Variants in TTC22 observed in about 807,000 individuals in gnomAD.
TTC22 encodes tetratricopeptide repeat protein 22.
A neutral mutation model predicts 48.2 loss-of-function variants in TTC22; 42 were observed. That is an observed-to-expected ratio of 0.87 (90% CI 0.68 to 1.13). The LOEUF (loss-of-function observed/expected upper bound fraction) is 1.13. TTC22 is among the 50% of genes most tolerant of loss of function. The probability of loss-of-function intolerance (pLI) is 0.00; values close to 1 mark genes in which losing one functional copy is unlikely to be tolerated. For missense variants in TTC22, 784 were observed against 807.0 expected (o/e 0.97, Z 0.34); for synonymous variants, 345 against 365.5 (o/e 0.94, Z 0.64).
chr1:54,781,091 C>G lies in TTC22; in HGVS notation c.*152G>C, dbSNP rs1646257533. Reference sequence around the variant, plus strand: ...TGGGCGTTTCAAACCGCGCGGGTGTCGCAACATCCCCATTCACAATTCCCG... The same window carrying G: ...TGGGCGTTTCAAACCGCGCGGGTGTGGCAACATCCCCATTCACAATTCCCG... On this transcript the variant is annotated 3_prime_UTR_variant, in exon 7 of 7. Transcript: ENST00000371276. 1 of 526,636 alleles carries G rather than the reference C, an allele frequency of 1.9e-6. No homozygotes were observed. The highest frequency in any genetic ancestry group is 2.0e-5 in the African/African-American group (1 of 49,868). The allele number at this position is 526,636 out of a possible 1,614,324, so 32.6% of individuals were successfully genotyped here.
In TTC22 at chr1:54,801,193, C is replaced by G; in HGVS notation, c.-30G>C. 6.2e-7 allele frequency: 1 copy of G among 1,601,668 alleles called. No homozygotes were observed. The highest frequency in any genetic ancestry group is 1.1e-5 in the South Asian group (1 of 90,562). ...GCTCCCTCTGCTCCCCTGGCCTCAC[C>G]CTTGTCCCTGAGGCTGTGGAGGGCA... On this transcript the variant is annotated 5_prime_UTR_variant, in exon 1 of 7. Transcript: ENST00000371276.
chr1:54,786,940 T>C lies in TTC22; in HGVS notation c.858+17A>G. On this transcript the variant is annotated intron_variant, in intron 4 of 6. Coordinates refer to ENST00000371276, the MANE Select transcript of TTC22 (RefSeq NM_001114108.2). ...TCCTTCTCAGTTTAGAGGGTGGGTG[T>C]GGCTGGGGGCAAGTACCTTGCCGAA... 2 of 1,355,832 alleles carry C rather than the reference T, an allele frequency of 1.5e-6. No homozygotes were observed. Among genetic ancestry groups the C allele is most frequent in the South Asian group, 1.5e-5 (1 of 67,220 alleles). 84.0% of individuals were successfully genotyped at this position (1,355,832 alleles called of 1,614,324 possible).
At position 54,787,733 on chromosome 1, in the gene TTC22, C is replaced by T; in HGVS notation, c.717G>A (p.Lys239=). The change falls in exon 3 of 7, where the codon AAG becomes AAA. Residue 239 remains lysine, a synonymous_variant. Transcript: ENST00000371276. Reference sequence around the variant, plus strand: ...CACCTCGGTGGCGGGGGTCCTCGGACTTCAGCACTTGCCGGAGTAGGGCCA... The same window carrying T: ...CACCTCGGTGGCGGGGGTCCTCGGATTTCAGCACTTGCCGGAGTAGGGCCA... The part of the protein sequence containing the change: ...RTLALLRQVL[K]SEDPRHRALA... 1 of 1,613,274 alleles carries T rather than the reference C, an allele frequency of 6.2e-7. No individual in the cohort carries two copies. Among genetic ancestry groups the T allele is most frequent in the African/African-American group, 1.3e-5 (1 of 75,026 alleles).
intron 5 of TTC22, 137 bp downstream of exon 5, chr1:54,785,846 G>T: frequency 3.8e-6 from 3 of 792,856 alleles, no homozygotes; most frequent in Non-Finnish European, 5.9e-6. Context: ...ACCCAACTGT[G>T]TTTTTTGATG....
At chr1:54,782,797 C>A (rs893151501) in intron 5 of TTC22, among the ~76,000 whole-genome samples, 7 of 152,178 alleles carry the variant, frequency 4.6e-5, no homozygotes, top group African/African-American at 1.7e-4. Context: ...ACAGGAGGTA[C>A]CGTGGTAACA....
At chr1:54,795,664 G>A (rs1646385009) in intron 1 of TTC22, among the ~76,000 whole-genome samples, 1 of 152,234 alleles carries the variant, frequency 6.6e-6, no homozygotes, top group Non-Finnish European at 1.5e-5. Context: ...GGTCTGTGCT[G>A]TGCTGCACTC....
rs776490540 is a variant in TTC22, at chr1:54,801,033, C to T, written c.131G>A (p.Arg44Gln). 1.4e-5 allele frequency: 22 copies of T among 1,611,570 alleles called. No individual in the cohort carries two copies. Among genetic ancestry groups the T allele is most frequent in the Middle Eastern group, 1.6e-4 (1 of 6,080 alleles). ...EPRSPAPQRA[R>Q]DLKLQREGLR... Reference sequence around the variant, plus strand: ...ACCCTCCCGCTGCAGCTTCAGGTCCCGGGCGCGCTGTGGGGCCGGCGAGCG... The same window carrying T: ...ACCCTCCCGCTGCAGCTTCAGGTCCTGGGCGCGCTGTGGGGCCGGCGAGCG... The change falls in exon 1 of 7, where the codon CGG becomes CAG. Residue 44 changes from arginine to glutamine, a missense_variant. By Grantham distance (43) the Arg-to-Gln change is conservative. Coordinates refer to ENST00000371276, the MANE Select transcript of TTC22 (RefSeq NM_001114108.2).
intron 1 of TTC22, among the ~76,000 whole-genome samples, chr1:54,799,329 C>A (rs575460956): frequency 7.9e-5 from 12 of 152,344 alleles, no homozygotes; most frequent in African/African-American, 2.4e-4. Context: ...CCTCTGATAG[C>A]TACCCCTGAA....
intron 1 of TTC22, chr1:54,794,749 G>A (rs1646377157): frequency 6.6e-6 from 1 of 152,320 alleles, no homozygotes; most frequent in Non-Finnish European, 1.5e-5. Context: ...TCAGGAAACA[G>A]AGACTACAGA....
In TTC22 at chr1:54,786,096, T is replaced by C. The variant is rs1646298857; in HGVS notation, c.907A>G (p.Lys303Glu). The change falls in exon 5 of 7, where the codon AAA becomes GAA. Residue 303 changes from lysine (K) to glutamate (E), a missense_variant. Transcript: ENST00000371276. ...NQPPILNRLA[K>E]IFYFLGKQDM... ...TGCTTTCCCAGGAAGTAGAAGATTT[T>C]TGCCAGGCGATTCAGGATGGGAGGT... 2 of 1,614,196 alleles carry C rather than the reference T, an allele frequency of 1.2e-6. No homozygotes were observed. Among genetic ancestry groups the C allele is most frequent in the Non-Finnish European group, 1.7e-6 (2 of 1,180,020 alleles).
At chr1:54,788,195 A>G in intron 1 of TTC22, 98 bp from the exon 2 acceptor site, 1 of 1,188,200 alleles carries the variant, frequency 8.4e-7, no homozygotes, top group Non-Finnish European at 1.3e-6. Flanking sequence ...GGCAGCAGGC[A>G]CAAGTGGGAA....
At chr1:54,787,259 A>T in intron 3 of TTC22, 184 bp from the exon 4 acceptor site, 1 of 544,734 alleles carries the variant, frequency 1.8e-6, no homozygotes, top group Non-Finnish European at 3.2e-6. Context: ...GGGGTTAGTG[A>T]ACCCATTTTA....
At chr1:54,791,471 G>C (rs1405518329) in intron 1 of TTC22, among the ~76,000 whole-genome samples, 1 of 152,226 alleles carries the variant, frequency 6.6e-6, no homozygotes, top group Admixed American at 6.5e-5. Context: ...TGTGAGGGCA[G>C]TGCCTGGCCC....
chr1:54,785,015 T>G (rs1321071637), intron 5 of TTC22: 2 of 213,844 alleles, frequency 9.4e-6, no homozygotes, highest in African/African-American at 2.4e-5. Context: ...TTATGAAATC[T>G]TACTGTGTGC....
rs1395324408 is a variant in TTC22, at chr1:54,781,412, C to T, written c.1541G>A (p.Arg514His). ...AQDKYPAARL[R>H]QELQRVWRGH... ...GCGCCACACGCGCTGCAGCTCCTGGCGCAGGCGCGCCGCGGGGTACTTGTC... is the reference window on the plus strand; with the variant it reads ...GCGCCACACGCGCTGCAGCTCCTGGTGCAGGCGCGCCGCGGGGTACTTGTC... Residue 514 changes from arginine to histidine, a missense_variant, in exon 7 of 7, where the codon CGC becomes CAC. By Grantham distance (29) the Arg-to-His change is conservative. Transcript: ENST00000371276. 3.6e-6 allele frequency: 5 copies of T among 1,400,680 alleles called. No individual in the cohort carries two copies. Among genetic ancestry groups the T allele is most frequent in the Non-Finnish European group, 4.6e-6 (5 of 1,088,356 alleles). 86.8% of individuals were successfully genotyped at this position (1,400,680 alleles called of 1,614,324 possible).
chr1:54,795,372 T>A (rs1305145314), intron 1 of TTC22, among the ~76,000 whole-genome samples: 1 of 152,236 alleles, frequency 6.6e-6, no homozygotes, highest in Admixed American at 6.5e-5. Flanking sequence ...CTGCAGATTT[T>A]AAGCTTTGAG....
chr1:54,796,362 C>T (rs1357268141), intron 1 of TTC22, among the ~76,000 whole-genome samples: 1 of 152,250 alleles, frequency 6.6e-6, no homozygotes, highest in East Asian at 1.9e-4. Context: ...CCAGCCGCCT[C>T]AGCTGGCTGG....
intron 3 of TTC22, 93 bp downstream of exon 3, chr1:54,787,618 A>G: frequency 1.1e-6 from 1 of 902,286 alleles, no homozygotes; most frequent in Non-Finnish European, 1.8e-6. Flanking sequence ...ACAGGAGCCA[A>G]GAAGGGGAGG....
chr1:54,789,087 C>T (rs1265475398), intron 1 of TTC22, among the ~76,000 whole-genome samples: 3 of 152,200 alleles, frequency 2.0e-5, no homozygotes, highest in African/African-American at 7.2e-5. Context: ...TATTGAAGCT[C>T]AGAGAGATAA....
Sources: allele counts gnomAD v4.1 joint callset (sites outside exome capture counted in the v4.1 genomes callset), GRCh38; gene constraint gnomAD v4.1.1; transcripts MANE v1.5; gene names NCBI Gene and HGNC (gene_info 2026-07-23, HGNC 2026-07-21).